CROCC2: variants seen among roughly 807,000 people sequenced by gnomAD.
CROCC2 encodes the protein ciliary rootlet coiled-coil protein 2.
Under a neutral mutation model 177.6 loss-of-function variants are expected in CROCC2, and 163 were observed. The ratio of observed to expected loss-of-function variants is 0.92; its 90% CI spans 0.81 to 1.05. The LOEUF is 1.05. Ranked by LOEUF, CROCC2 falls within the 50% of genes least tolerant of loss-of-function variation. CROCC2 has a pLI of 0.00. For missense variants in CROCC2, 1,929 were observed against 1,797.8 expected (o/e 1.07, Z -1.32); for synonymous variants, 904 against 787.3 (o/e 1.15, Z -2.48).
At chr2:240,934,031 C>T (rs1375740752) in intron 11 of CROCC2, among the ~76,000 whole-genome samples, 179 bp downstream of exon 11, 1 of 152,220 alleles carries the variant, frequency 6.6e-6, no homozygotes, top group Non-Finnish European at 1.5e-5. Context: ...GCTGCACCAT[C>T]CTCCAGACCA....
chr2:240,960,020 G>A lies in CROCC2; in HGVS notation c.3087+576G>A, dbSNP rs115210758. Among the ~76,000 whole-genome samples the A allele has an allele frequency of 5.0e-3, 766 of 152,362 alleles. 8 individuals are homozygous for A. Among genetic ancestry groups the A allele is most frequent in the African/African-American group, 0.018 (742 of 41,584 alleles). On this transcript the variant is annotated intron_variant, in intron 20 of 31. Transcript: ENST00000690015. This position sits in a 1 kb window ranked among gnomAD's most constrained non-coding sequence, Gnocchi z 5.0. ...AGCCAAAGGCTCCAGGAGTCCAGCC[G>A]GCCCCCTCGTTCCACGCACAGTTAA...
rs1193456281 is a variant in CROCC2, at chr2:240,932,171, C to T, written c.948-147C>T. The T allele has an allele frequency of 1.8e-5, 11 of 607,884 alleles. No homozygotes were observed. The East Asian group carries it at 3.1e-4, about 17-fold the overall frequency. 37.7% of individuals were successfully genotyped at this position (607,884 alleles called of 1,614,324 possible). ...TGGCAGGAGAGACACATGCTCAGAC[C>T]AGGGACAGAGGCCACTCAGACGGAG... is the stretch of plus-strand genomic sequence containing the variant. On this transcript the variant is annotated intron_variant, in intron 7 of 31. Coordinates refer to ENST00000690015, the MANE Select transcript of CROCC2 (RefSeq NM_001351305.2).
chr2:240,940,016 A>C (rs1170906020), intron 14 of CROCC2, among the ~76,000 whole-genome samples: 3 of 152,208 alleles, frequency 2.0e-5, no homozygotes, highest in African/African-American at 7.2e-5. Context: ...TTGTTCTATA[A>C]ATATAAATTA....
Position 240,966,328 on chromosome 2 carries a change from C to T in CROCC2, c.4065C>T (p.Ser1355=), listed in dbSNP as rs1053103288. The change falls in exon 25 of 32, where the codon AGC becomes AGT. Residue 1355 remains serine, a synonymous_variant. Transcript: ENST00000690015. ...RWPSPTPGGR[S]SELMDVATVQ... The stretch of plus-strand genomic sequence containing the variant: ...CCTCGCCCACACCCGGAGGCCGCAG[C>T]TCAGAGCTCATGGATGTGGCCACCG... 3.7e-5 allele frequency: 15 copies of T among 410,706 alleles called. No individual in the cohort carries two copies. Among genetic ancestry groups the T allele is most frequent in the Middle Eastern group, 3.1e-4 (1 of 3,226 alleles). 25.4% of individuals were successfully genotyped at this position (410,706 alleles called of 1,614,324 possible). A position where few individuals can be genotyped will look rare whatever the true frequency, so the allele number is the denominator to read the frequency against.
At chr2:240,956,048 T>A (rs2059588280) in intron 19 of CROCC2, 76 bp downstream of exon 19, 1 of 1,044,886 alleles carries the variant, frequency 9.6e-7, no homozygotes, top group East Asian at 2.6e-5. Flanking sequence ...CCCTCCTGCC[T>A]GGTCCCAGTG....
At chr2:240,963,820 G>C (rs1475507307) in intron 21 of CROCC2, 47 bp downstream of exon 21, 7 of 1,531,496 alleles carry the variant, frequency 4.6e-6, no homozygotes, top group South Asian at 1.2e-5. Context: ...GCAGCCTGCT[G>C]CCCACCCAGG....
intron 1 of CROCC2, among the ~76,000 whole-genome samples, chr2:240,906,917 C>G: frequency 6.7e-6 from 1 of 149,056 alleles, no homozygotes; most frequent in South Asian, 2.1e-4. Flanking sequence ...GGGGCCGCTG[C>G]TGGCTGTGGA....
chr2:240,933,556 C>G, intron 10 of CROCC2, 114 bp from the exon 11 acceptor site: 1 of 1,287,582 alleles, frequency 7.8e-7, no homozygotes, highest in South Asian at 1.5e-5. Flanking sequence ...CAGGCTCCCT[C>G]TGCCCATGCA....
intron 19 of CROCC2, among the ~76,000 whole-genome samples, chr2:240,957,193 G>GCCACACACACCCCATTAGCTGGGC (rs2059596614): frequency 6.6e-6 from 1 of 152,132 alleles, no homozygotes; most frequent in Non-Finnish European, 1.5e-5. Context: ...GCCCTCCCTG[G>GCCACACACACCCCATTAGCTGGGC]CCACACACAC....
In CROCC2 at chr2:240,965,365, G is replaced by A. The variant is rs747672826; in HGVS notation, c.3466-16G>A. Reference sequence around the variant, plus strand: ...CAGAGACCAGTGACCCTGTCCGTGCGGCCCCACGCTCCCAGGTGAGGACAC... The same window carrying A: ...CAGAGACCAGTGACCCTGTCCGTGCAGCCCCACGCTCCCAGGTGAGGACAC... On this transcript the variant is annotated splice_polypyrimidine_tract_variant and intron_variant, in intron 22 of 31. Coordinates refer to ENST00000690015, the MANE Select transcript of CROCC2 (RefSeq NM_001351305.2). The A allele has an allele frequency of 3.1e-5, 48 of 1,548,818 alleles. No homozygotes were observed. Among genetic ancestry groups the A allele is most frequent in the Non-Finnish European group, 3.7e-5 (43 of 1,146,758 alleles).
chr2:240,950,289 C>G, intron 17 of CROCC2, 45 bp from the exon 18 acceptor site: 5 of 1,524,970 alleles, frequency 3.3e-6, no homozygotes, highest in Non-Finnish European at 4.4e-6. Flanking sequence ...CAACTGCTGG[C>G]CTCACCTGCC....
At chr2:240,964,825 G>C (rs2059668457) in intron 22 of CROCC2, among the ~76,000 whole-genome samples, 200 bp downstream of exon 22, 1 of 152,210 alleles carries the variant, frequency 6.6e-6, no homozygotes, top group Non-Finnish European at 1.5e-5. Flanking sequence ...GACAAGACTG[G>C]AGAGGGCAAA....
intron 2 of CROCC2, among the ~76,000 whole-genome samples, chr2:240,919,427 G>C (rs2059343987): frequency 6.6e-6 from 1 of 152,148 alleles, no homozygotes; most frequent in Non-Finnish European, 1.5e-5. Context: ...CCCGCCCCAG[G>C]CCCCTGCTCT....
chr2:240,922,569 C>T lies in CROCC2; in HGVS notation c.412C>T (p.Gln138Ter), dbSNP rs1021189241. 4.3e-6 allele frequency: 3 copies of T among 695,516 alleles called. No individual in the cohort carries two copies. The highest frequency in any genetic ancestry group is 3.5e-5 in the African/African-American group (2 of 56,348). 43.1% of individuals were successfully genotyped at this position (695,516 alleles called of 1,614,324 possible). ...LQARLETTEA[Q>*]LRRSELEHSV... ...GGCCCGGCTGGAGACCACCGAGGCTCAGCTGCGGAGGTCAGAGCTGGAGCA... is the reference window on the plus strand; with the variant it reads ...GGCCCGGCTGGAGACCACCGAGGCTTAGCTGCGGAGGTCAGAGCTGGAGCA... The change falls in exon 4 of 32, where the codon CAG (glutamine) becomes TAG (stop). Residue 138 changes from glutamine (Q) to a stop codon, truncating the protein, a stop_gained. Coordinates refer to ENST00000690015, the MANE Select transcript of CROCC2 (RefSeq NM_001351305.2). LOFTEE classifies it high-confidence loss of function.
At chr2:240,948,930 A>G (rs929522121) in intron 15 of CROCC2, 49 bp from the exon 16 acceptor site, 2 of 1,526,434 alleles carry the variant, frequency 1.3e-6, no homozygotes, top group Non-Finnish European at 1.8e-6. Context: ...AGCATTTTAC[A>G]CGCAGGATCT....
Position 240,934,391 on chromosome 2 carries a change from G to T in CROCC2, c.1707G>T (p.Ser569=). 6.5e-7 allele frequency: 1 copy of T among 1,548,768 alleles called. No individual in the cohort carries two copies. Among genetic ancestry groups the T allele is most frequent in the Non-Finnish European group, 8.7e-7 (1 of 1,146,906 alleles). The change falls in exon 12 of 32, where the codon TCG becomes TCT. Residue 569 remains serine, a synonymous_variant. Transcript: ENST00000690015. The part of the protein sequence containing the change: ...KVSGLREELA[S]VREALSTAQL... The stretch of plus-strand genomic sequence containing the variant: ...CCGGGCTCAGAGAGGAGCTGGCATC[G>T]GTCCGGGAGGCACTGAGCACAGCAC...
In CROCC2 at chr2:240,913,608, C is replaced by A. The variant is rs376619543; in HGVS notation, c.79-5118C>A. 3.1e-3 allele frequency among the ~76,000 whole-genome samples: 478 copies of A among 152,336 alleles called. 5 individuals are homozygous for A. The highest frequency in any genetic ancestry group is 9.5e-3 in the African/African-American group (393 of 41,570). On this transcript the variant is annotated intron_variant, in intron 1 of 31. Coordinates refer to ENST00000690015, the MANE Select transcript of CROCC2 (RefSeq NM_001351305.2). ...ATCCCTGCCTCAGTGCCTAGCCGGC[C>A]GGGGTCCTGCCTGCAGGGGTGGCCT...
chr2:240,909,954 CA>C (rs2059277154), intron 1 of CROCC2, among the ~76,000 whole-genome samples: 1 of 152,120 alleles, frequency 6.6e-6, no homozygotes, highest in Non-Finnish European at 1.5e-5. Context: ...CCCCTGTGAC[CA>C]GGGGTGGTGG....
chr2:240,966,452 G>C (rs934186777), intron 25 of CROCC2, 43 bp downstream of exon 25: 1 of 399,318 alleles, frequency 2.5e-6, no homozygotes, highest in African/African-American at 2.1e-5. Context: ...GGCACCCCCC[G>C]GGGGTCTCTG....
Sources: gnomAD v4.1 joint callset for allele counts (sites outside exome capture counted in the v4.1 genomes callset) on GRCh38, gnomAD v4.1.1 for gene constraint, Gnocchi (gnomAD v3.1) non-coding constraint, MANE v1.5 for transcripts, NCBI Gene and HGNC (gene_info 2026-07-23, HGNC 2026-07-21) for gene names.